The following AP2A2 variants were observed in gnomAD, a reference collection of about 807,000 sequenced individuals.
AP2A2 encodes adaptor related protein complex 2 subunit alpha 2, also known as AP-2 complex subunit alpha-2.
AP2A2 carries 32 observed loss-of-function variants against 104.2 expected under a neutral mutation model. The ratio of observed to expected loss-of-function variants is 0.31; its 90% CI spans 0.23 to 0.41. AP2A2 has a LOEUF of 0.41. Among genes scored for constraint, AP2A2 ranks in the 10% least tolerant of loss-of-function variants. The probability of loss-of-function intolerance (pLI) is 1.00; values close to 1 mark genes in which losing one functional copy is unlikely to be tolerated. For missense variants in AP2A2, 912 were observed against 1,261.0 expected (o/e 0.72, Z 4.19); for synonymous variants, 539 against 533.3 (o/e 1.01, Z -0.15).
intron 3 of AP2A2, among the ~76,000 whole-genome samples, chr11:970,643 G>C (rs74045445): frequency 6.6e-6 from 1 of 152,380 alleles, no homozygotes; most frequent in Admixed American, 6.5e-5. Flanking sequence ...GGACTGCCCG[G>C]TTGGTCTGGA....
In AP2A2 at chr11:993,301, G is replaced by A. The variant is rs117402750; in HGVS notation, c.1470G>A (p.Ala490=). 147 of 1,610,424 alleles carry A rather than the reference G, an allele frequency of 9.1e-5. 2 individuals are homozygous for A. The East Asian group carries it at 2.5e-3, about 27-fold the overall frequency. ...CTTCGCAGGCTCTTCAGGCTCCCGC[G>A]TGCCACGAGAACCTGGTCAAAGTGG... The part of the protein sequence containing the change: ...KTVFEALQAP[A]CHENLVKVGG... The change falls in exon 12 of 22, where the codon GCG becomes GCA. Residue 490 remains alanine (A), a synonymous_variant. Transcript: ENST00000448903. This position sits in a 1 kb window ranked among gnomAD's most constrained non-coding sequence, Gnocchi z 8.2.
At chr11:958,527 C>G (rs565609503) in intron 1 of AP2A2, among the ~76,000 whole-genome samples, 1 of 152,128 alleles carries the variant, frequency 6.6e-6, no homozygotes, top group Admixed American at 6.6e-5. Context: ...AAAAGAAAGA[C>G]TATTTTAAAT....
chr11:938,915 G>A (rs1853554481), intron 1 of AP2A2, among the ~76,000 whole-genome samples: 1 of 152,090 alleles, frequency 6.6e-6, no homozygotes, highest in South Asian at 2.1e-4. Flanking sequence ...TTCTTGTCTA[G>A]GCTTGTCCTT....
chr11:931,543 G>T (rs1436222942), intron 1 of AP2A2, among the ~76,000 whole-genome samples: 2 of 152,186 alleles, frequency 1.3e-5, no homozygotes, highest in Non-Finnish European at 2.9e-5. Flanking sequence ...ACAACTTCAG[G>T]CAGGAAATGA....
In AP2A2 at chr11:951,284, TG is replaced by T. The variant is rs564689756; in HGVS notation, c.68-8150del. Among the ~76,000 whole-genome samples the T allele has an allele frequency of 3.4e-4, 52 of 152,200 alleles. 1 individual carries two copies. The South Asian group carries it at 0.011, about 31-fold the overall frequency. ...ACTCCCAGCTGTAATTCCAGCACTT[TG>T]GGAGGCCGAGGTGGGTGGATCACCT... On this transcript the variant is annotated intron_variant, in intron 1 of 21. Transcript: ENST00000448903.
chr11:930,874 A>T (rs546958508), intron 1 of AP2A2, among the ~76,000 whole-genome samples: 13 of 152,300 alleles, frequency 8.5e-5, no homozygotes, highest in African/African-American at 3.1e-4. Context: ...ATTCAACACC[A>T]GGAAACAGAC....
intron 2 of AP2A2, among the ~76,000 whole-genome samples, chr11:962,651 T>G (rs1589970474): frequency 1.3e-5 from 2 of 152,038 alleles, no homozygotes; most frequent in South Asian, 4.2e-4. Context: ...GAGAATCGCT[T>G]GAACTGGGAA....
At chr11:965,680 C>T (rs752589816) in intron 2 of AP2A2, among the ~76,000 whole-genome samples, 2 of 152,268 alleles carry the variant, frequency 1.3e-5, no homozygotes, top group African/African-American at 2.4e-5. Flanking sequence ...ACGGTGGCCC[C>T]GGCTGACCTG....
At chr11:956,866 AC>A (rs768120539) in intron 1 of AP2A2, 7 of 152,232 alleles carry the variant, frequency 4.6e-5, no homozygotes, top group Non-Finnish European at 1.0e-4. Flanking sequence ...AACACAGAAG[AC>A]TTCTGTGACC....
intron 1 of AP2A2, 94 bp downstream of exon 1, chr11:926,182 G>T: frequency 1.1e-6 from 1 of 907,996 alleles, no homozygotes; most frequent in Non-Finnish European, 1.4e-6. Context: ...CGAGGCGGGG[G>T]TGCAGGCTGG....
At chr11:932,162 A>T (rs1275075982) in intron 1 of AP2A2, among the ~76,000 whole-genome samples, 1 of 152,204 alleles carries the variant, frequency 6.6e-6, no homozygotes, top group Non-Finnish European at 1.5e-5. Context: ...CAAGTTGGTC[A>T]GGCTGGTCTC....
chr11:976,854 T>G (rs188938491), intron 4 of AP2A2, among the ~76,000 whole-genome samples: 1 of 152,326 alleles, frequency 6.6e-6, no homozygotes, highest in East Asian at 1.9e-4. Flanking sequence ...GTGAGCTGCA[T>G]GTGGTCGGCT....
intron 2 of AP2A2, among the ~76,000 whole-genome samples, chr11:963,391 A>C (rs1854505524): frequency 6.6e-6 from 1 of 152,076 alleles, no homozygotes; most frequent in South Asian, 2.1e-4. Flanking sequence ...GTGCCAGTGC[A>C]CTACAGCCTG....
chr11:990,380 G>A (rs1044973579), intron 10 of AP2A2, among the ~76,000 whole-genome samples: 1 of 152,210 alleles, frequency 6.6e-6, no homozygotes, highest in African/African-American at 2.4e-5. Flanking sequence ...GTGGCCTGGT[G>A]TCAGCACTTG....
chr11:975,531 A>G (rs1459687775), intron 4 of AP2A2, among the ~76,000 whole-genome samples: 3 of 87,116 alleles, frequency 3.4e-5, no homozygotes, highest in African/African-American at 1.5e-4. Context: ...AGCCGACATT[A>G]GTGAGTAGCA....
At chr11:955,662 G>T (rs1472594690) in intron 1 of AP2A2, among the ~76,000 whole-genome samples, 1 of 152,242 alleles carries the variant, frequency 6.6e-6, no homozygotes, top group Non-Finnish European at 1.5e-5. Context: ...TGATTTTCCT[G>T]TTCTGACCAC....
At chr11:946,179 A>G (rs1853825955) in intron 1 of AP2A2, among the ~76,000 whole-genome samples, 1 of 152,162 alleles carries the variant, frequency 6.6e-6, no homozygotes, top group South Asian at 2.1e-4. Context: ...TCTGTGAACA[A>G]CTGTGGCACC....
intron 1 of AP2A2, among the ~76,000 whole-genome samples, chr11:955,742 A>G (rs545516429): frequency 9.2e-5 from 14 of 152,322 alleles, no homozygotes; most frequent in African/African-American, 2.2e-4. Context: ...GAAACATTCA[A>G]CCTTATTTAT....
intron 1 of AP2A2, among the ~76,000 whole-genome samples, chr11:927,222 T>A (rs1327244072): frequency 6.8e-6 from 1 of 146,058 alleles, no homozygotes; most frequent in Non-Finnish European, 1.5e-5. Flanking sequence ...CCACCATGCC[T>A]GGCTGATTTT....
Sources: gnomAD v4.1 joint callset for allele counts (sites outside exome capture counted in the v4.1 genomes callset) on GRCh38, gnomAD v4.1.1 for gene constraint, Gnocchi (gnomAD v3.1) non-coding constraint, MANE v1.5 for transcripts, NCBI Gene and HGNC (gene_info 2026-07-23, HGNC 2026-07-21) for gene names.